HROB: variants seen among roughly 807,000 people sequenced by gnomAD.
The protein encoded by HROB is homologous recombination factor with OB-fold, also known as homologous recombination OB-fold protein.
In HROB, 44 loss-of-function variants were observed where a neutral mutation model predicts 61.0. The observed-to-expected ratio is 0.72, with a 90% CI of 0.57 to 0.93. HROB has a LOEUF of 0.93. Ranked by LOEUF, HROB falls within the 40% of genes least tolerant of loss-of-function variation. The pLI, the probability that HROB is intolerant of heterozygous loss-of-function variation, is 0.00. For synonymous variants in HROB, 301 were observed against 310.4 expected, an observed-to-expected ratio of 0.97 and a Z score of 0.32; for missense variants, 716 against 796.2, an observed-to-expected ratio of 0.90 and a Z score of 1.21.
At chr17:44,161,756 C>T (rs2054147095) in intron 9 of HROB, 115 bp from the exon 10 acceptor site, 3 of 1,155,574 alleles carry the variant, frequency 2.6e-6, no homozygotes, top group Admixed American at 3.8e-5. Context: ...GGAGGAGCCG[C>T]CTGCCCAGCT....
chr17:44,161,886 T>C lies in HROB; in HGVS notation c.1895T>C (p.Leu632Pro). The C allele has an allele frequency of 6.2e-7, 1 of 1,614,152 alleles. No individual in the cohort carries two copies. The highest frequency in any genetic ancestry group is 8.5e-7 in the Non-Finnish European group (1 of 1,179,978). ...CTCTCTGTAGATGACCTGGATGGAC[T>C]CCTGAGTGAGCTTCCTGAAGACTTC... is the stretch of plus-strand genomic sequence containing the variant. ...ELPEADDLDGLLSELPEDFFC... is the reference protein window; with the variant it reads ...ELPEADDLDGPLSELPEDFFC... The change falls in exon 10 of 10, where the codon CTC (leucine) becomes CCC (proline). Residue 632 changes from leucine to proline, a missense_variant. Coordinates refer to ENST00000585683, the MANE Select transcript of HROB (RefSeq NM_001171251.3).
At chr17:44,158,010 TC>T (rs1375938844) in intron 9 of HROB, 69 bp downstream of exon 9, 2 of 1,115,666 alleles carry the variant, frequency 1.8e-6, no homozygotes, top group African/African-American at 3.1e-5. Flanking sequence ...ACCAGAATCT[TC>T]CTGGCTATAT....
At chr17:44,155,645 C>T (rs568470979) in intron 8 of HROB, among the ~76,000 whole-genome samples, 1 of 152,292 alleles carries the variant, frequency 6.6e-6, no homozygotes, top group East Asian at 1.9e-4. Context: ...CCCTGAGCAT[C>T]TGATGGCAGG....
chr17:44,150,883 G>T, intron 3 of HROB, 78 bp from the exon 4 acceptor site: 1 of 1,245,492 alleles, frequency 8.0e-7, no homozygotes. Context: ...AACTCATTAT[G>T]TAAACCAGAC....
Position 44,142,095 on chromosome 17 carries a change from C to G in HROB, c.-48C>G, listed in dbSNP as rs1040132166. 6 of 1,530,810 alleles carry G rather than the reference C, an allele frequency of 3.9e-6. No homozygotes were observed. In the African/African-American group the frequency reaches 8.3e-5, roughly 21 times the overall value. 94.8% of individuals were successfully genotyped at this position (1,530,810 alleles called of 1,614,324 possible). Reference sequence around the variant, plus strand: ...TCCAAGGCCCCGGCGACTCCCCGGACTCGGGGTGCCGGGCCAACCTCCCCG... The same window carrying G: ...TCCAAGGCCCCGGCGACTCCCCGGAGTCGGGGTGCCGGGCCAACCTCCCCG... On this transcript the variant is annotated 5_prime_UTR_variant, in exon 1 of 10. Transcript: ENST00000585683.
rs530811905 is a variant in HROB at position 44,144,555 on chromosome 17, C to T, written c.4-648C>T. Among the ~76,000 whole-genome samples, 19 of 152,030 alleles carry T rather than the reference C, an allele frequency of 1.2e-4. 1 individual carries two copies. In the South Asian group the frequency reaches 4.0e-3, roughly 32 times the overall value. On this transcript the variant is annotated intron_variant, in intron 1 of 9. Transcript: ENST00000585683. ...CCTCCCAAAGTGTTGGGATTATAGG[C>T]ATGAGCCACCGTGCCTGGCAGAAAG...
chr17:44,161,751 A>G, intron 9 of HROB, 120 bp from the exon 10 acceptor site: 1 of 1,049,566 alleles, frequency 9.5e-7, no homozygotes, highest in Non-Finnish European at 1.5e-6. Context: ...TGCCTGGAGG[A>G]GCCGCCTGCC....
intron 2 of HROB, 37 bp from the exon 3 acceptor site, chr17:44,147,821 C>G (rs2053656437): frequency 6.4e-7 from 1 of 1,561,790 alleles, no homozygotes; most frequent in Admixed American, 1.8e-5. Flanking sequence ...TTCTTGATTT[C>G]CAGATGCCAA....
chr17:44,152,839 C>G, intron 5 of HROB, 62 bp downstream of exon 5: 4 of 1,575,348 alleles, frequency 2.5e-6, no homozygotes, highest in African/African-American at 2.7e-5. Context: ...CTCTGACCTA[C>G]TGCCCTACTC....
chr17:44,148,875 G>A lies in HROB; in HGVS notation c.1072G>A (p.Gly358Ser). 1.2e-6 allele frequency: 2 copies of A among 1,614,150 alleles called. No homozygotes were observed. The highest frequency in any genetic ancestry group is 1.7e-6 in the Non-Finnish European group (2 of 1,180,030). The change falls in exon 3 of 10, where the codon GGT becomes AGT. Residue 358 changes from glycine to serine, a missense_variant. Physicochemically the swap from Gly to Ser is moderately conservative, Grantham distance 56. Coordinates refer to ENST00000585683, the MANE Select transcript of HROB (RefSeq NM_001171251.3). ...TGGGTCTCCTGTTGGTACCCCAAAA[G>A]GTCCCCAGGGAGCTCTGCAGACACC... ...SIGSPVGTPK[G>S]PQGALQTPIV...
rs2053456966 is a variant in HROB, at chr17:44,142,029, AGCACT to A, written c.-112_-108del. On this transcript the variant is annotated 5_prime_UTR_variant, in exon 1 of 10. Coordinates refer to ENST00000585683, the MANE Select transcript of HROB (RefSeq NM_001171251.3). Reference sequence around the variant, plus strand: ...CTCATCCCTCTGACCCCAGCCCGGAAGCACTGTCCCTCGGAGTCCGAGACTTCCAC... The same window carrying A: ...CTCATCCCTCTGACCCCAGCCCGGAAGTCCCTCGGAGTCCGAGACTTCCAC... The A allele has an allele frequency of 7.2e-7, 1 of 1,393,142 alleles. No homozygotes were observed. Among genetic ancestry groups the A allele is most frequent in the East Asian group, 2.8e-5 (1 of 36,158 alleles). 86.3% of individuals were successfully genotyped at this position (1,393,142 alleles called of 1,614,324 possible).
At chr17:44,156,023 ACTG>A (rs1391654756) in intron 8 of HROB, among the ~76,000 whole-genome samples, 2 of 152,110 alleles carry the variant, frequency 1.3e-5, no homozygotes, top group Non-Finnish European at 2.9e-5. Flanking sequence ...GATCTTGTGT[ACTG>A]AAAACGTGTA....
chr17:44,159,009 G>A (rs1158294789), intron 9 of HROB, among the ~76,000 whole-genome samples: 5 of 152,030 alleles, frequency 3.3e-5, no homozygotes, highest in African/African-American at 4.8e-5. Flanking sequence ...GGCTGGCCTC[G>A]AACTCTTGGG....
intron 2 of HROB, among the ~76,000 whole-genome samples, chr17:44,146,113 A>G (rs1432444450): frequency 6.6e-6 from 1 of 152,162 alleles, no homozygotes; most frequent in Non-Finnish European, 1.5e-5. Context: ...GCAATGGCAC[A>G]ATCACGGCTC....
chr17:44,145,176 AC>A, intron 1 of HROB, 26 bp from the exon 2 acceptor site: 1 of 1,613,510 alleles, frequency 6.2e-7, no homozygotes, highest in Non-Finnish European at 8.5e-7. Context: ...GTATTTCTCA[AC>A]CCCAGTTGGT....
chr17:44,161,760 C>T, intron 9 of HROB, 111 bp from the exon 10 acceptor site: 2 of 1,203,730 alleles, frequency 1.7e-6, no homozygotes, highest in Non-Finnish European at 1.2e-6. Flanking sequence ...GAGCCGCCTG[C>T]CCAGCTATAC....
At position 44,142,026 on chromosome 17, in the gene HROB, G is replaced by A. The variant is rs1221876260; in HGVS notation, c.-117G>A. Reference sequence around the variant, plus strand: ...AGACTCATCCCTCTGACCCCAGCCCGGAAGCACTGTCCCTCGGAGTCCGAG... The same window carrying A: ...AGACTCATCCCTCTGACCCCAGCCCAGAAGCACTGTCCCTCGGAGTCCGAG... On this transcript the variant is annotated 5_prime_UTR_variant, in exon 1 of 10. Coordinates refer to ENST00000585683, the MANE Select transcript of HROB (RefSeq NM_001171251.3). 7.2e-7 allele frequency: 1 copy of A among 1,389,810 alleles called. No homozygotes were observed. The highest frequency in any genetic ancestry group is 9.7e-7 in the Non-Finnish European group (1 of 1,027,994). The allele number at this position is 1,389,810 out of a possible 1,614,324, so 86.1% of individuals were successfully genotyped here. A position where few individuals can be genotyped will look rare whatever the true frequency, so the allele number is the denominator to read the frequency against.
At chr17:44,142,320 G>T (rs972862248) in intron 1 of HROB, among the ~76,000 whole-genome samples, 175 bp downstream of exon 1, 1 of 152,068 alleles carries the variant, frequency 6.6e-6, no homozygotes, top group Non-Finnish European at 1.5e-5. Flanking sequence ...ACGCGCCGGA[G>T]ACCCTGAGAA....
chr17:44,157,710 T>C, intron 8 of HROB, 123 bp from the exon 9 acceptor site: 1 of 620,356 alleles, frequency 1.6e-6, no homozygotes, highest in Non-Finnish European at 2.7e-6. Flanking sequence ...CCACCACACC[T>C]GGCCCCATCA....
Sources: allele counts gnomAD v4.1 joint callset (sites outside exome capture counted in the v4.1 genomes callset), GRCh38; gene constraint gnomAD v4.1.1; transcripts MANE v1.5; gene names NCBI Gene and HGNC (gene_info 2026-07-23, HGNC 2026-07-21).